The following ASIC2 variants were observed in gnomAD, a reference collection of about 807,000 sequenced individuals.
ASIC2 encodes acid sensing ion channel subunit 2.
ASIC2 carries 25 observed loss-of-function variants against 57.3 expected under a neutral mutation model. That is an observed-to-expected ratio of 0.44 (90% confidence interval 0.32 to 0.61). The LOEUF (loss-of-function observed/expected upper bound fraction) is 0.61, where lower values mean the gene tolerates loss of function less well. ASIC2 is among the 20% of genes least tolerant of loss of function. The pLI, the probability that ASIC2 is intolerant of heterozygous loss-of-function variation, is 0.06. For synonymous variants in ASIC2, 319 were observed against 307.5 expected (o/e 1.04, Z -0.39); for missense variants, 641 against 738.1 (o/e 0.87, Z 1.52).
chr17:34,108,209 G>A (rs1911133653), intron 1 of ASIC2, among the ~76,000 whole-genome samples: 1 of 152,034 alleles, frequency 6.6e-6, no homozygotes, highest in African/African-American at 2.4e-5. Flanking sequence ...CAACAAAACT[G>A]CTCTGCTGAA....
At chr17:33,508,422 G>A (rs1030379339) in intron 1 of ASIC2, among the ~76,000 whole-genome samples, 10 of 152,230 alleles carry the variant, frequency 6.6e-5, no homozygotes, top group East Asian at 1.9e-4. Context: ...GCGTTATCTC[G>A]GGCTACCACC....
intron 1 of ASIC2, among the ~76,000 whole-genome samples, chr17:33,345,567 G>A (rs963114822): frequency 9.2e-5 from 14 of 152,192 alleles, no homozygotes; most frequent in African/African-American, 3.4e-4. Flanking sequence ...ACCAGGAGAA[G>A]AGGAAATCCC....
At chr17:33,296,131 C>G (rs1905712532), upstream of ASIC2, among the ~76,000 whole-genome samples, 1 of 152,124 alleles carries the variant, frequency 6.6e-6, no homozygotes, top group African/African-American at 2.4e-5. Flanking sequence ...GTGGGACTTC[C>G]TAAGTGCTAG....
intron 1 of ASIC2, among the ~76,000 whole-genome samples, chr17:33,500,040 TA>T (rs138755090): frequency 1.3e-5 from 2 of 149,156 alleles, no homozygotes; most frequent in Admixed American, 6.7e-5. Context: ...ACAGTTTAAT[TA>T]AAAAAAAAGA....
chr17:33,346,829 A>G (rs954464378), intron 1 of ASIC2, among the ~76,000 whole-genome samples: 38 of 152,240 alleles, frequency 2.5e-4, no homozygotes, highest in Non-Finnish European at 8.8e-5. Flanking sequence ...GAACTTACAA[A>G]GAAGAGCAAG....
intron 1 of ASIC2, among the ~76,000 whole-genome samples, chr17:33,544,435 G>A (rs1010234927): frequency 6.6e-6 from 1 of 152,176 alleles, no homozygotes; most frequent in Non-Finnish European, 1.5e-5. Flanking sequence ...CTCAGGTTAA[G>A]TGTATGTTTA....
chr17:34,017,136 A>T (rs1407900781), intron 1 of ASIC2, among the ~76,000 whole-genome samples: 3 of 152,222 alleles, frequency 2.0e-5, no homozygotes, highest in African/African-American at 7.2e-5. Context: ...GTCAAATAGC[A>T]TGTGCTCACT....
intron 1 of ASIC2, among the ~76,000 whole-genome samples, chr17:33,495,952 G>A (rs2141938047): frequency 6.6e-6 from 1 of 152,322 alleles, no homozygotes. Context: ...GCCCTAGACA[G>A]GTGAAGACTC....
chr17:33,636,559 T>G (rs1906372980), intron 1 of ASIC2, among the ~76,000 whole-genome samples: 2 of 152,148 alleles, frequency 1.3e-5, no homozygotes, highest in Non-Finnish European at 1.5e-5. Context: ...TTTTATCATC[T>G]CCATACGGCT....
At chr17:34,130,251 T>G (rs1253521721) in intron 1 of ASIC2, among the ~76,000 whole-genome samples, 1 of 100,694 alleles carries the variant, frequency 9.9e-6, no homozygotes, top group Non-Finnish European at 2.3e-5. Context: ...GCAAAGCTCC[T>G]TAAACCCTTA....
At chr17:33,770,689 A>T (rs1911073489) in intron 1 of ASIC2, among the ~76,000 whole-genome samples, 1 of 152,186 alleles carries the variant, frequency 6.6e-6, no homozygotes, top group Non-Finnish European at 1.5e-5. Context: ...GCAATTCCCC[A>T]TCCCCACATC....
intron 1 of ASIC2, among the ~76,000 whole-genome samples, chr17:33,309,493 C>A (rs937315808): frequency 2.6e-5 from 4 of 152,138 alleles, no homozygotes; most frequent in African/African-American, 9.7e-5. Context: ...ACCTAAGATG[C>A]TTTCTAGGCT....
Position 34,113,439 on chromosome 17 carries a change from T to A in ASIC2, c.555+42539A>T, listed in dbSNP as rs201295725. Among the ~76,000 whole-genome samples, 3 of 151,936 alleles carry A rather than the reference T, an allele frequency of 2.0e-5. No individual in the cohort carries two copies. In the East Asian group the frequency reaches 5.8e-4, roughly 29 times the overall value. ...AGTTGGGCATGGTGGTGCACACCTG[T>A]AGTCCCAGTTTCTTAGGAGGCTGAG... On this transcript the variant is annotated intron_variant, in intron 1 of 9. Transcript: ENST00000359872.
chr17:34,041,944 C>G (rs545357608), intron 1 of ASIC2, among the ~76,000 whole-genome samples: 1 of 152,208 alleles, frequency 6.6e-6, no homozygotes, highest in African/African-American at 2.4e-5. Flanking sequence ...ATATCCCCAA[C>G]AGAAATATGT....
intron 1 of ASIC2, among the ~76,000 whole-genome samples, chr17:33,158,275 TTGAATGAA>T (rs3082795): frequency 9.9e-5 from 15 of 151,322 alleles, no homozygotes; most frequent in African/African-American, 3.2e-4. Flanking sequence ...TCAGCAATAC[TTGAATGAA>T]TGAATGAATG....
intron 1 of ASIC2, among the ~76,000 whole-genome samples, chr17:33,757,359 C>A (rs926240844): frequency 2.6e-5 from 4 of 152,186 alleles, no homozygotes; most frequent in Non-Finnish European, 4.4e-5. Context: ...TGGTGACTCA[C>A]ACCTGTAATC....
intron 1 of ASIC2, chr17:34,082,203 T>C (rs990549966): frequency 6.6e-6 from 1 of 152,212 alleles, no homozygotes; most frequent in Non-Finnish European, 1.5e-5. Context: ...CTCTGCTCCT[T>C]CAGGCACTCT....
intron 1 of ASIC2, among the ~76,000 whole-genome samples, chr17:33,657,253 T>C (rs1170016221): frequency 1.3e-5 from 2 of 152,180 alleles, no homozygotes; most frequent in Non-Finnish European, 2.9e-5. Context: ...GCTGTGGTGC[T>C]TGGAAGATGC....
intron 1 of ASIC2, among the ~76,000 whole-genome samples, chr17:33,933,923 A>G (rs1916001420): frequency 6.6e-6 from 1 of 152,356 alleles, no homozygotes; most frequent in Non-Finnish European, 1.5e-5. Context: ...TCCCAAGATC[A>G]GGAGCTCACT....
Sources: gnomAD v4.1 joint callset for allele counts (sites outside exome capture counted in the v4.1 genomes callset) on GRCh38, gnomAD v4.1.1 for gene constraint, MANE v1.5 for transcripts, NCBI Gene and HGNC (gene_info 2026-07-23, HGNC 2026-07-21) for gene names.